Variants in NACC2 observed in about 807,000 individuals in gnomAD.
The protein encoded by NACC2 is nucleus accumbens-associated protein 2.
A neutral mutation model predicts 25.1 loss-of-function variants in NACC2; 8 were observed. The observed-to-expected ratio is 0.32, with a 90% CI of 0.19 to 0.57. NACC2 has a LOEUF of 0.57. NACC2 is among the 20% of genes least tolerant of loss of function. The probability of loss-of-function intolerance (pLI) is 0.89; values close to 1 mark genes in which losing one functional copy is unlikely to be tolerated. For synonymous variants in NACC2, 435 were observed against 294.7 expected (o/e 1.48, Z -4.88); for missense variants, 644 against 650.2 (o/e 0.99, Z 0.10).
Position 136,050,213 on chromosome 9 carries a change from C to G in NACC2, c.309G>C (p.Thr103=). Reference sequence around the variant, plus strand: ...TGTGCTGGATCTGCAGGAAGCCGGCCGTGTACATGACCACGAGCTGCTCGC... The same window carrying G: ...TGTGCTGGATCTGCAGGAAGCCGGCGGTGTACATGACCACGAGCTGCTCGC... The part of the protein sequence containing the change: ...TASEQLVVMY[T]AGFLQIQHIV... Residue 103 remains threonine, a synonymous_variant, in exon 2 of 6, where the codon ACG becomes ACC. Transcript: ENST00000277554. 1.3e-6 allele frequency: 1 copy of G among 772,308 alleles called. No homozygotes were observed. The highest frequency in any genetic ancestry group is 2.4e-6 in the Non-Finnish European group (1 of 415,708). 47.8% of individuals were successfully genotyped at this position (772,308 alleles called of 1,614,324 possible).
intron 1 of NACC2, among the ~76,000 whole-genome samples, chr9:136,052,673 C>G (rs1179304536): frequency 4.6e-5 from 7 of 152,304 alleles, no homozygotes; most frequent in African/African-American, 1.7e-4. Flanking sequence ...AAGAAAAGAG[C>G]GACTTTGTGG....
At chr9:136,024,552 A>AGAGT (rs1491448714) in intron 2 of NACC2, among the ~76,000 whole-genome samples, 23 of 141,390 alleles carry the variant, frequency 1.6e-4, no homozygotes, top group African/African-American at 5.6e-4. Context: ...GTGTGAGGAC[A>AGAGT]GTGTGTGTAA....
intron 2 of NACC2, among the ~76,000 whole-genome samples, chr9:136,017,943 G>A (rs961070501): frequency 5.3e-5 from 8 of 152,188 alleles, no homozygotes; most frequent in South Asian, 4.1e-4. Context: ...TGGGCCACCC[G>A]GGGCTGGACC....
In NACC2 at chr9:136,086,523, A is replaced by ATC; in HGVS notation, c.-60+8664_-60+8665dup. On this transcript the variant is annotated intron_variant, in intron 1 of 5. Transcript: ENST00000277554. The surrounding 1 kb of genome is among the most constrained non-coding windows in gnomAD (Gnocchi z 5.6). ...GCATGCCCCCAGCTTCCCGACAGCCATCTGCCTGCCAGCACCCAGCCACGG... is the reference window on the plus strand; with the variant it reads ...GCATGCCCCCAGCTTCCCGACAGCCATCTCTGCCTGCCAGCACCCAGCCACGG... Among the ~76,000 whole-genome samples the ATC allele has an allele frequency of 6.6e-6, 1 of 152,182 alleles. No individual in the cohort carries two copies. Among genetic ancestry groups the ATC allele is most frequent in the South Asian group, 2.1e-4 (1 of 4,826 alleles).
chr9:136,047,320 C>T (rs950378411), intron 2 of NACC2, among the ~76,000 whole-genome samples: 106 of 152,280 alleles, frequency 7.0e-4, no homozygotes, highest in African/African-American at 2.3e-3. Context: ...GCACACCCAG[C>T]GACGCCAGCA....
At chr9:136,094,097 G>A (rs1830461678) in intron 1 of NACC2, among the ~76,000 whole-genome samples, 2 of 152,200 alleles carry the variant, frequency 1.3e-5, no homozygotes, top group East Asian at 1.9e-4. Flanking sequence ...ATGGGAGTCC[G>A]GGCTGCCTTG....
intron 2 of NACC2, among the ~76,000 whole-genome samples, chr9:136,034,067 T>C (rs1385447990): frequency 2.6e-5 from 4 of 152,022 alleles, no homozygotes; most frequent in African/African-American, 9.7e-5. Context: ...CAGAAAAAAT[T>C]TTTAAAAACA....
At chr9:136,057,028 C>A (rs4842095) in intron 1 of NACC2, among the ~76,000 whole-genome samples, 1 of 152,060 alleles carries the variant, frequency 6.6e-6, no homozygotes, top group Non-Finnish European at 1.5e-5. Context: ...CCCCCACCCC[C>A]AGGGTGGGCC....
intron 2 of NACC2, among the ~76,000 whole-genome samples, chr9:136,038,418 T>TA (rs1840585040): frequency 6.6e-6 from 1 of 152,170 alleles, no homozygotes; most frequent in Non-Finnish European, 1.5e-5. Flanking sequence ...CATGTGCTTG[T>TA]AGTCTCAGCT....
chr9:136,017,471 A>C (rs1840220796), intron 2 of NACC2, among the ~76,000 whole-genome samples: 1 of 152,038 alleles, frequency 6.6e-6, no homozygotes, highest in African/African-American at 2.4e-5. Context: ...CTGGCCCCAA[A>C]TCCTGCCCAG....
intron 1 of NACC2, among the ~76,000 whole-genome samples, chr9:136,079,955 C>T (rs1564242173): frequency 6.6e-6 from 1 of 152,214 alleles, no homozygotes; most frequent in Admixed American, 6.5e-5. Flanking sequence ...CAGGGAGAGG[C>T]GGCCCTCCTG....
intron 1 of NACC2, among the ~76,000 whole-genome samples, chr9:136,057,661 C>T (rs1354661028): frequency 6.6e-6 from 1 of 152,266 alleles, no homozygotes; most frequent in African/African-American, 2.4e-5. Flanking sequence ...CCTCCTCCCC[C>T]AGGGCTGCAG....
At chr9:136,092,401 C>T (rs1830442370) in intron 1 of NACC2, among the ~76,000 whole-genome samples, 1 of 152,214 alleles carries the variant, frequency 6.6e-6, no homozygotes, top group African/African-American at 2.4e-5. Context: ...CACAAACTCC[C>T]GCACCTGCCC....
rs1003084404 is a variant in NACC2, at chr9:136,050,093, C to G, written c.429G>C (p.Gln143His). ...CCGGCTGCAGCTGGTTGCAGGGGCT[C>G]TGGGGCTCGGAGCCGGCGTCCTCGA... Reference protein sequence around the residue: ...AVIEDAGSEPQSPCNQLQPAA... With the variant: ...AVIEDAGSEPHSPCNQLQPAA... The change falls in exon 2 of 6, where the codon CAG (glutamine) becomes CAC (histidine). Residue 143 changes from glutamine (Q) to histidine (H), a missense_variant. Coordinates refer to ENST00000277554, the MANE Select transcript of NACC2 (RefSeq NM_144653.5). The G allele has an allele frequency of 3.7e-4, 281 of 749,774 alleles. No individual in the cohort carries two copies. The highest frequency in any genetic ancestry group is 8.4e-4 in the South Asian group (61 of 72,204). 46.4% of individuals were successfully genotyped at this position (749,774 alleles called of 1,614,324 possible). A position where few individuals can be genotyped will look rare whatever the true frequency, so the allele number is the denominator to read the frequency against.
chr9:136,081,104 A>G (rs1830319146), intron 1 of NACC2, among the ~76,000 whole-genome samples: 2 of 151,960 alleles, frequency 1.3e-5, no homozygotes, highest in South Asian at 4.1e-4. Flanking sequence ...CGTTTCCCAT[A>G]TTTCTCGTAA....
chr9:136,094,967 C>T (rs1255532514), intron 1 of NACC2, among the ~76,000 whole-genome samples: 1 of 146,328 alleles, frequency 6.8e-6, no homozygotes, highest in African/African-American at 2.4e-5. Context: ...CCCCCGGCCC[C>T]GCCCGGCCCC....
intron 1 of NACC2, among the ~76,000 whole-genome samples, chr9:136,079,244 G>C (rs535884456): frequency 6.6e-6 from 1 of 152,228 alleles, no homozygotes; most frequent in Non-Finnish European, 1.5e-5. Flanking sequence ...TCTGAGCTGA[G>C]GGGGAGACCA....
chr9:136,085,137 ATT>A (rs913472378), intron 1 of NACC2, among the ~76,000 whole-genome samples: 6 of 82,788 alleles, frequency 7.2e-5, no homozygotes, highest in East Asian at 4.1e-4. Context: ...CATTTCTACA[ATT>A]TTTTTTTTTT....
chr9:136,065,386 G>T (rs568314000), intron 1 of NACC2, among the ~76,000 whole-genome samples: 1 of 152,158 alleles, frequency 6.6e-6, no homozygotes, highest in African/African-American at 2.4e-5. Flanking sequence ...TTGGGAGGCC[G>T]AGGCGGGCAG....
Sources: allele counts gnomAD v4.1 joint callset (sites outside exome capture counted in the v4.1 genomes callset), GRCh38; gene constraint gnomAD v4.1.1; non-coding constraint Gnocchi (gnomAD v3.1); transcripts MANE v1.5; gene names NCBI Gene and HGNC (gene_info 2026-07-23, HGNC 2026-07-21).